The following SORCS3 variants were observed in gnomAD, a reference collection of about 807,000 sequenced individuals.
The protein encoded by SORCS3 is sortilin related VPS10 domain containing receptor 3.
A neutral mutation model predicts 146.3 loss-of-function variants in SORCS3; 57 were observed. The ratio of observed to expected loss-of-function variants is 0.39; its 90% CI spans 0.31 to 0.49. The LOEUF is 0.49. Among genes scored for constraint, SORCS3 ranks in the 20% least tolerant of loss-of-function variants. The pLI is 0.92. For synonymous variants in SORCS3, 653 were observed against 618.5 expected (o/e 1.06, Z -0.83); for missense variants, 1,341 against 1,575.5 (o/e 0.85, Z 2.52).
intron 1 of SORCS3, among the ~76,000 whole-genome samples, chr10:104,744,625 T>C (rs957894335): frequency 2.0e-5 from 3 of 152,192 alleles, no homozygotes; most frequent in African/African-American, 7.2e-5. Context: ...AAATTAGGTC[T>C]GTCTGTTTCT....
At chr10:104,961,496 T>C (rs1182408356) in intron 3 of SORCS3, among the ~76,000 whole-genome samples, 2 of 152,218 alleles carry the variant, frequency 1.3e-5, no homozygotes, top group African/African-American at 2.4e-5. Context: ...TTTTGAATTA[T>C]GAAACTTCTT....
chr10:104,952,494 C>T (rs916401899), intron 3 of SORCS3, among the ~76,000 whole-genome samples: 2 of 152,038 alleles, frequency 1.3e-5, no homozygotes, highest in Non-Finnish European at 2.9e-5. Flanking sequence ...AAGTTTGAAA[C>T]GCATTACTCG....
intron 1 of SORCS3, among the ~76,000 whole-genome samples, chr10:104,729,377 C>T (rs1025859067): frequency 6.6e-6 from 1 of 152,194 alleles, no homozygotes; most frequent in African/African-American, 2.4e-5. Flanking sequence ...ATGAAGCAAT[C>T]TTAAGCCAGA....
At chr10:105,199,247 T>C (rs542714457) in intron 14 of SORCS3, among the ~76,000 whole-genome samples, 1 of 152,222 alleles carries the variant, frequency 6.6e-6, no homozygotes, top group Non-Finnish European at 1.5e-5. Context: ...TTTTCCATTT[T>C]TCTAGAAACA....
At chr10:105,035,128 G>A (rs991989690) in intron 4 of SORCS3, among the ~76,000 whole-genome samples, 1 of 152,122 alleles carries the variant, frequency 6.6e-6, no homozygotes, top group African/African-American at 2.4e-5. Context: ...TACCCCTGGG[G>A]GACAGTGGTA....
chr10:105,148,053 A>G (rs1458626882), intron 9 of SORCS3, among the ~76,000 whole-genome samples: 1 of 152,134 alleles, frequency 6.6e-6, no homozygotes, highest in African/African-American at 2.4e-5. Context: ...CAAAGTTAGT[A>G]TTCTTGTATG....
At chr10:104,671,324 C>CTTTTT (rs1564655720) in intron 1 of SORCS3, among the ~76,000 whole-genome samples, 1 of 17,530 alleles carries the variant, frequency 5.7e-5, no homozygotes, top group African/African-American at 1.3e-4. Flanking sequence ...TCATTCTTTT[C>CTTTTT]CTTTTTTTTT....
chr10:105,255,924 T>C (rs2056928872), intron 24 of SORCS3, 123 bp downstream of exon 24: 8 of 705,298 alleles, frequency 1.1e-5, no homozygotes, highest in Non-Finnish European at 1.9e-5. Context: ...AAGGGTCCTT[T>C]TTGTAGTTAT....
intron 3 of SORCS3, among the ~76,000 whole-genome samples, chr10:104,972,419 G>T (rs1179706572): frequency 6.6e-6 from 1 of 152,126 alleles, no homozygotes; most frequent in East Asian, 1.9e-4. Context: ...ATTTGCTCAA[G>T]GACCTTTGGG....
rs780705622 is a variant in SORCS3, at chr10:105,089,815, A to G, written c.1069A>G (p.Met357Val). ...GLDKEADLVH[M>V]EVRTTDGYAH... ...GGATAAGGAGGCGGACCTGGTGCAC[A>G]TGGAGGTGCGGACCACGGATGGATG... The change falls in exon 6 of 27, where the codon ATG (methionine) becomes GTG (valine). Residue 357 changes from methionine (M) to valine (V), a missense_variant. Met to Val is a conservative substitution (Grantham distance 21). Coordinates refer to ENST00000369701, the MANE Select transcript of SORCS3 (RefSeq NM_014978.3). 30 of 1,613,918 alleles carry G rather than the reference A, an allele frequency of 1.9e-5. 1 individual carries two copies. In the South Asian group the frequency reaches 2.4e-4, roughly 13 times the overall value.
intron 1 of SORCS3, among the ~76,000 whole-genome samples, chr10:104,767,275 C>T (rs1000549990): frequency 4.6e-5 from 7 of 152,094 alleles, no homozygotes; most frequent in African/African-American, 1.7e-4. Flanking sequence ...AGTGTTTGTC[C>T]ACTTAATCTG....
chr10:104,718,529 G>A (rs1328074154), intron 1 of SORCS3, among the ~76,000 whole-genome samples: 1 of 152,202 alleles, frequency 6.6e-6, no homozygotes, highest in Non-Finnish European at 1.5e-5. Flanking sequence ...CACTGTAGAA[G>A]AAAGGTTTGT....
chr10:104,850,381 G>A (rs752917749), intron 2 of SORCS3, among the ~76,000 whole-genome samples: 10 of 152,252 alleles, frequency 6.6e-5, no homozygotes, highest in Non-Finnish European at 1.0e-4. Context: ...TCATGAGTTC[G>A]AGACCAGCCA....
At chr10:104,719,728 A>G (rs2016521324) in intron 1 of SORCS3, among the ~76,000 whole-genome samples, 1 of 152,240 alleles carries the variant, frequency 6.6e-6, no homozygotes, top group Admixed American at 6.5e-5. Context: ...CTTTAAGATC[A>G]TTGAAATCAG....
chr10:105,184,972 C>T (rs191250100), intron 14 of SORCS3, among the ~76,000 whole-genome samples: 1 of 152,292 alleles, frequency 6.6e-6, no homozygotes, highest in African/African-American at 2.4e-5. Flanking sequence ...TTCATTTTCA[C>T]CTCCTCCTGC....
intron 4 of SORCS3, among the ~76,000 whole-genome samples, chr10:105,035,102 C>T (rs1351855492): frequency 6.6e-6 from 1 of 152,174 alleles, no homozygotes; most frequent in African/African-American, 2.4e-5. Context: ...CCTCCTCAAA[C>T]TGGGGCTCAA....
At chr10:104,829,774 C>T (rs2017980228) in intron 1 of SORCS3, among the ~76,000 whole-genome samples, 1 of 152,102 alleles carries the variant, frequency 6.6e-6, no homozygotes, top group Non-Finnish European at 1.5e-5. Flanking sequence ...GATCTGGTCA[C>T]CCTCTTCCTT....
At chr10:104,828,469 A>G (rs971042585) in intron 1 of SORCS3, among the ~76,000 whole-genome samples, 4 of 152,184 alleles carry the variant, frequency 2.6e-5, no homozygotes, top group Non-Finnish European at 4.4e-5. Context: ...ATGGTGCCCA[A>G]AAAACAATTA....
intron 1 of SORCS3, among the ~76,000 whole-genome samples, chr10:104,782,508 C>T (rs767758313): frequency 5.3e-5 from 8 of 152,222 alleles, no homozygotes; most frequent in Non-Finnish European, 1.0e-4. Context: ...TAGTCTAGTT[C>T]ATCTTTCTTA....
Sources: gnomAD v4.1 joint callset for allele counts (sites outside exome capture counted in the v4.1 genomes callset) on GRCh38, gnomAD v4.1.1 for gene constraint, MANE v1.5 for transcripts, NCBI Gene and HGNC (gene_info 2026-07-23, HGNC 2026-07-21) for gene names.